Variants in SUGCT observed in about 807,000 individuals in gnomAD.
SUGCT encodes succinyl-CoA:glutarate CoA-transferase.
Under a neutral mutation model 55.0 loss-of-function variants are expected in SUGCT, and 41 were observed. The ratio of observed to expected loss-of-function variants is 0.74; its 90% CI spans 0.58 to 0.97. The LOEUF is 0.97. SUGCT is among the 50% of genes least tolerant of loss of function. The pLI, the probability that SUGCT is intolerant of heterozygous loss-of-function variation, is 0.00. For synonymous variants in SUGCT, 187 were observed against 200.4 expected, an observed-to-expected ratio of 0.93 and a Z score of 0.56; for missense variants, 568 against 547.8, an observed-to-expected ratio of 1.04 and a Z score of -0.37.
chr7:41,012,827 A>G, the SUGCT span, among the ~76,000 whole-genome samples: 4 of 152,148 alleles, frequency 2.6e-5, no homozygotes, highest in Admixed American at 1.3e-4. Context: ...TGATAATGCT[A>G]TGAGTGTATT....
chr7:40,548,186 CTTTTTTT>C (rs1186226631), intron 12 of SUGCT, among the ~76,000 whole-genome samples: 27 of 104,996 alleles, frequency 2.6e-4, no homozygotes, highest in African/African-American at 9.2e-4. Context: ...TTCTTTCTTT[CTTTTTTT>C]TTTTTTTTTT....
At chr7:40,511,149 C>G (rs1792905738) in intron 12 of SUGCT, among the ~76,000 whole-genome samples, 1 of 152,130 alleles carries the variant, frequency 6.6e-6, no homozygotes, top group Non-Finnish European at 1.5e-5. Flanking sequence ...GTGGAAGAAT[C>G]TTATAGACAT....
At chr7:40,219,111 A>G (rs1409442769) in intron 6 of SUGCT, among the ~76,000 whole-genome samples, 2 of 152,030 alleles carry the variant, frequency 1.3e-5, no homozygotes, top group Non-Finnish European at 2.9e-5. Context: ...AGGAACGAAC[A>G]ACTCTGGACG....
intron 12 of SUGCT, among the ~76,000 whole-genome samples, chr7:40,643,993 G>GA (rs1800381336): frequency 6.6e-6 from 1 of 152,162 alleles, no homozygotes; most frequent in African/African-American, 2.4e-5. Flanking sequence ...TCTGCCTCTG[G>GA]AAAACCTGTC....
At chr7:40,332,341 C>T (rs1796357678) in intron 9 of SUGCT, among the ~76,000 whole-genome samples, 1 of 152,024 alleles carries the variant, frequency 6.6e-6, no homozygotes, top group Non-Finnish European at 1.5e-5. Flanking sequence ...TAGTAGTGTG[C>T]TGTCTCAAAT....
At chr7:40,789,845 G>A (rs763714) in intron 13 of SUGCT, among the ~76,000 whole-genome samples, 60,780 of 152,010 alleles carry the variant, frequency 0.4, 12,966 homozygotes, top group Middle Eastern at 0.57. Context: ...CTAAAACCCA[G>A]TGTGGTGAGT....
At chr7:40,154,824 G>T (rs1391958794) in intron 1 of SUGCT, among the ~76,000 whole-genome samples, 1 of 152,150 alleles carries the variant, frequency 6.6e-6, no homozygotes, top group African/African-American at 2.4e-5. Context: ...CCCATAAGAT[G>T]AAATCTCACA....
chr7:40,207,838 T>C (rs1042355642), intron 6 of SUGCT, among the ~76,000 whole-genome samples: 1 of 152,078 alleles, frequency 6.6e-6, no homozygotes, highest in African/African-American at 2.4e-5. Context: ...GATTCAGCAA[T>C]TTTATTTCTA....
intron 13 of SUGCT, among the ~76,000 whole-genome samples, chr7:40,822,961 G>A (rs1055926129): frequency 3.9e-5 from 6 of 152,102 alleles, no homozygotes; most frequent in African/African-American, 1.4e-4. Context: ...TAGGTTATAA[G>A]TCCTCCTGGG....
chr7:40,556,081 G>A (rs1432620406), intron 12 of SUGCT, among the ~76,000 whole-genome samples: 1 of 151,986 alleles, frequency 6.6e-6, no homozygotes, highest in Non-Finnish European at 1.5e-5. Context: ...CTAATGCTTG[G>A]TACAGTGCCT....
chr7:40,960,106 G>A, the SUGCT span, among the ~76,000 whole-genome samples: 2 of 152,108 alleles, frequency 1.3e-5, no homozygotes, highest in Non-Finnish European at 2.9e-5. Context: ...GCAGACTGGA[G>A]CTATTCCCAT....
intron 9 of SUGCT, among the ~76,000 whole-genome samples, chr7:40,412,173 C>T (rs1367308711): frequency 6.6e-6 from 1 of 152,194 alleles, no homozygotes; most frequent in Non-Finnish European, 1.5e-5. Flanking sequence ...GTAGTGTTCC[C>T]AATCCACAAA....
At chr7:40,261,339 G>T (rs1407984226) in intron 7 of SUGCT, among the ~76,000 whole-genome samples, 2 of 152,076 alleles carry the variant, frequency 1.3e-5, no homozygotes, top group Non-Finnish European at 2.9e-5. Context: ...AATAGGTCCG[G>T]GTCACACAGT....
chr7:40,826,597 G>A (rs768285788), intron 13 of SUGCT, among the ~76,000 whole-genome samples: 8 of 152,172 alleles, frequency 5.3e-5, no homozygotes, highest in Non-Finnish European at 8.8e-5. Flanking sequence ...CAGGCTTGCC[G>A]CAGGCTACAG....
the SUGCT span, among the ~76,000 whole-genome samples, chr7:40,946,158 C>T: frequency 2.7e-5 from 4 of 150,458 alleles, no homozygotes; most frequent in East Asian, 7.9e-4. Context: ...GATGCTGTAA[C>T]AGACTGTGTT....
intron 13 of SUGCT, among the ~76,000 whole-genome samples, chr7:40,758,480 A>T (rs1354602114): frequency 1.3e-5 from 2 of 152,102 alleles, no homozygotes; most frequent in East Asian, 3.9e-4. Context: ...ATGGTAGTAA[A>T]GGGGTTAAAG....
chr7:40,976,490 C>T, the SUGCT span, among the ~76,000 whole-genome samples: 4 of 152,216 alleles, frequency 2.6e-5, no homozygotes, highest in Non-Finnish European at 5.9e-5. Flanking sequence ...TATCTTATAA[C>T]AGTGCCAAAC....
At chr7:40,696,116 C>T (rs970237495) in intron 12 of SUGCT, among the ~76,000 whole-genome samples, 8 of 152,164 alleles carry the variant, frequency 5.3e-5, no homozygotes, top group Non-Finnish European at 8.8e-5. Context: ...ACTGTGTGTG[C>T]ACACCTGTAT....
At chr7:40,957,150 T>C in the SUGCT span, among the ~76,000 whole-genome samples, 1 of 152,234 alleles carries the variant, frequency 6.6e-6, no homozygotes, top group East Asian at 1.9e-4. Flanking sequence ...GGTCCAGAGC[T>C]GAGTTCAAGT....
Sources: gnomAD v4.1 joint callset for allele counts (sites outside exome capture counted in the v4.1 genomes callset) on GRCh38, gnomAD v4.1.1 for gene constraint, MANE v1.5 for transcripts, NCBI Gene and HGNC (gene_info 2026-07-23, HGNC 2026-07-21) for gene names.